Variants in NCOA7 observed in about 807,000 individuals in gnomAD.
NCOA7 encodes nuclear receptor coactivator 7, also known as 140 kDa estrogen receptor-associated protein.
NCOA7 carries 45 observed loss-of-function variants against 104.3 expected under a neutral mutation model. That is an observed-to-expected ratio of 0.43 (90% CI 0.34 to 0.55). The LOEUF is 0.55. Among genes scored for constraint, NCOA7 ranks in the 20% least tolerant of loss-of-function variants. The pLI is 0.02. For synonymous variants in NCOA7, 398 were observed against 402.3 expected, an observed-to-expected ratio of 0.99 and a Z score of 0.13; for missense variants, 1,041 against 1,119.7, an observed-to-expected ratio of 0.93 and a Z score of 1.00.
Position 125,824,164 on chromosome 6 carries a change from C to T in NCOA7, c.50+8760C>T, listed in dbSNP as rs564362988. ...ATAAAGTGCCTGTTCAGTAAATATA[C>T]TTACCCACACTACAGTTTAATGGGT... On this transcript the variant is annotated intron_variant, in intron 2 of 15. Coordinates refer to ENST00000392477, the MANE Select transcript of NCOA7 (RefSeq NM_181782.5). Among the ~76,000 whole-genome samples the T allele has an allele frequency of 2.8e-4, 43 of 152,246 alleles. No individual in the cohort carries two copies. The South Asian group carries it at 8.7e-3, about 31-fold the overall frequency.
At chr6:125,901,676 A>G (rs535229804) in intron 10 of NCOA7, among the ~76,000 whole-genome samples, 2 of 152,294 alleles carry the variant, frequency 1.3e-5, no homozygotes, top group African/African-American at 4.8e-5. Flanking sequence ...TTTGCCATCC[A>G]TGGATGACTA....
upstream of NCOA7, among the ~76,000 whole-genome samples, chr6:125,787,030 C>T (rs1207718788): frequency 6.6e-6 from 1 of 151,506 alleles, no homozygotes. Flanking sequence ...GACTGTAGTC[C>T]CAGCTACTTG....
intron 1 of NCOA7, among the ~76,000 whole-genome samples, chr6:125,808,004 C>T (rs1246359395): frequency 6.6e-6 from 1 of 152,192 alleles, no homozygotes; most frequent in East Asian, 1.9e-4. Flanking sequence ...AGTGCAGTTA[C>T]ATGTGTTTTC....
intron 3 of NCOA7, among the ~76,000 whole-genome samples, chr6:125,861,093 A>G (rs1457210909): frequency 2.0e-5 from 3 of 152,206 alleles, no homozygotes; most frequent in African/African-American, 4.8e-5. Context: ...TAAAATGTGT[A>G]ATGTCTATAT....
At chr6:125,786,574 T>C (rs1167371685), upstream of NCOA7, among the ~76,000 whole-genome samples, 2 of 29,118 alleles carry the variant, frequency 6.9e-5, no homozygotes, top group African/African-American at 2.0e-4. Flanking sequence ...AATCATTGTC[T>C]TTTTTTTTTT....
chr6:125,813,292 G>A (rs1777236384), intron 1 of NCOA7, among the ~76,000 whole-genome samples: 1 of 152,044 alleles, frequency 6.6e-6, no homozygotes, highest in South Asian at 2.1e-4. Context: ...TTAAGTCCAA[G>A]CTCCTTAGAG....
In NCOA7 at chr6:125,922,882, A is replaced by G. The variant is rs567843057; in HGVS notation, c.2523+48A>G. On this transcript the variant is annotated intron_variant, in intron 13 of 15. Coordinates refer to ENST00000392477, the MANE Select transcript of NCOA7 (RefSeq NM_181782.5). ...AGAATATTTTTTAATAATTTTTCAA[A>G]ATTCCCAACAGTAGAGAGACTAGTA... 3.2e-6 allele frequency: 5 copies of G among 1,565,006 alleles called. No homozygotes were observed. In the South Asian group the frequency reaches 4.7e-5, roughly 15 times the overall value.
intron 10 of NCOA7, among the ~76,000 whole-genome samples, chr6:125,897,620 A>G (rs529061969): frequency 6.8e-4 from 103 of 152,256 alleles, no homozygotes; most frequent in South Asian, 1.2e-3. Context: ...TGTTAGTTCA[A>G]TCTCTCTGTT....
At chr6:125,785,313 C>T (rs1362378204) in intron 1 of NCOA7, among the ~76,000 whole-genome samples, 1 of 151,836 alleles carries the variant, frequency 6.6e-6, no homozygotes, top group East Asian at 1.9e-4. Context: ...GCTCCAGCCT[C>T]GGCAACAGAG....
chr6:125,893,578 G>A (rs1182982682), intron 10 of NCOA7, among the ~76,000 whole-genome samples: 1 of 151,980 alleles, frequency 6.6e-6, no homozygotes, highest in East Asian at 1.9e-4. Flanking sequence ...TACCAAGTAA[G>A]ACCATGGAGA....
In NCOA7 at chr6:125,858,117, G is replaced by A. The variant is rs532661519; in HGVS notation, c.271+2877G>A. ...TCCTTTCTGCATTGTTATCATGGATGTATTTGATTACCTATGTACAGGCTG... is the reference window on the plus strand; with the variant it reads ...TCCTTTCTGCATTGTTATCATGGATATATTTGATTACCTATGTACAGGCTG... On this transcript the variant is annotated intron_variant, in intron 3 of 15. Transcript: ENST00000392477. Among the ~76,000 whole-genome samples the A allele has an allele frequency of 2.6e-5, 4 of 152,138 alleles. No individual in the cohort carries two copies. The East Asian group carries it at 7.7e-4, about 29-fold the overall frequency.
intron 4 of NCOA7, among the ~76,000 whole-genome samples, chr6:125,876,375 T>C (rs1375258262): frequency 6.6e-6 from 1 of 152,192 alleles, no homozygotes; most frequent in Non-Finnish European, 1.5e-5. Context: ...GTCTAAAATA[T>C]ACTGTTGATT....
chr6:125,889,371 C>G lies in NCOA7; in HGVS notation c.1317C>G (p.Cys439Trp). 6.2e-7 allele frequency: 1 copy of G among 1,613,950 alleles called. No homozygotes were observed. Among genetic ancestry groups the G allele is most frequent in the Non-Finnish European group, 8.5e-7 (1 of 1,179,944 alleles). ...GMHKKDTLKE[C>W]LSLDPEERKK... is the part of the protein sequence containing the mutation. ...ACAAAAAAGACACCTTGAAGGAGTG[C>G]CTTTCTCTTGACCCAGAGGAACGAA... The change falls in exon 9 of 16, where the codon TGC (cysteine) becomes TGG (tryptophan). Residue 439 changes from cysteine (C) to tryptophan (W), a missense_variant. Transcript: ENST00000392477.
rs149119075 is a variant in NCOA7, at chr6:125,868,914, G to A, written c.272-5975G>A. 9.2e-5 allele frequency among the ~76,000 whole-genome samples: 14 copies of A among 152,290 alleles called. No individual in the cohort carries two copies. The East Asian group carries it at 1.2e-3, about 13-fold the overall frequency. On this transcript the variant is annotated intron_variant, in intron 3 of 15. Transcript: ENST00000392477. ...AAATAGATGGAGGAGAGAGCTGGTCGTTCATGGGTGAGTAAAGAAAGAAGG... is the reference window on the plus strand; with the variant it reads ...AAATAGATGGAGGAGAGAGCTGGTCATTCATGGGTGAGTAAAGAAAGAAGG...
intron 13 of NCOA7, among the ~76,000 whole-genome samples, chr6:125,926,797 C>T (rs1241035743): frequency 2.6e-5 from 4 of 152,152 alleles, no homozygotes; most frequent in Admixed American, 2.0e-4. Flanking sequence ...ACATTTAAAG[C>T]AATGTTCCTC....
rs765975449 is a variant in NCOA7, at chr6:125,882,543, G to C, written c.691G>C (p.Asp231His). 1 of 1,612,414 alleles carries C rather than the reference G, an allele frequency of 6.2e-7. No homozygotes were observed. Among genetic ancestry groups the C allele is most frequent in the African/African-American group, 1.3e-5 (1 of 74,926 alleles). Residue 231 changes from aspartate to histidine, a missense_variant, in exon 7 of 16, where the codon GAT becomes CAT. This residue lies in a region of NCOA7 where 914 missense variants were observed against 942.7 expected (regional missense o/e 0.97). Transcript: ENST00000392477. ...AAAAATGAATTGTCGATACTTCACCGATGGAAAGGTATATAGCAATGTAAT... is the reference window on the plus strand; with the variant it reads ...AAAAATGAATTGTCGATACTTCACCCATGGAAAGGTATATAGCAATGTAAT... ...FLKMNCRYFTDGKGVVGGVMI... is the reference protein window; with the variant it reads ...FLKMNCRYFTHGKGVVGGVMI...
chr6:125,848,552 A>C (rs1780831215), intron 2 of NCOA7, among the ~76,000 whole-genome samples: 1 of 152,208 alleles, frequency 6.6e-6, no homozygotes, highest in Admixed American at 6.5e-5. Flanking sequence ...TCACAAGGAC[A>C]GAAAACCAAA....
At chr6:125,817,280 G>C (rs997275867) in intron 2 of NCOA7, among the ~76,000 whole-genome samples, 2 of 152,144 alleles carry the variant, frequency 1.3e-5, no homozygotes, top group African/African-American at 4.8e-5. Flanking sequence ...TGAGATAATT[G>C]TCTGAGAGTG....
At chr6:125,913,305 A>T (rs888471883) in intron 10 of NCOA7, among the ~76,000 whole-genome samples, 9 of 152,080 alleles carry the variant, frequency 5.9e-5, no homozygotes, top group Non-Finnish European at 8.8e-5. Context: ...GAAAGTCTGA[A>T]GGTAGAATCC....
Sources: allele counts gnomAD v4.1 joint callset (sites outside exome capture counted in the v4.1 genomes callset), GRCh38; gene constraint gnomAD v4.1.1; regional missense constraint gnomAD v4.1.1; transcripts MANE v1.5; gene names NCBI Gene and HGNC (gene_info 2026-07-23, HGNC 2026-07-21).